The following APEH variants were observed in gnomAD, a reference collection of about 807,000 sequenced individuals.
APEH encodes acylaminoacyl-peptide hydrolase, also known as acylamino-acid-releasing enzyme.
APEH carries 75 observed loss-of-function variants against 102.7 expected under a neutral mutation model. That is an observed-to-expected ratio of 0.73 (90% CI 0.61 to 0.89). The LOEUF is 0.89. Among genes scored for constraint, APEH ranks in the 40% least tolerant of loss-of-function variants. The pLI, the probability that APEH is intolerant of heterozygous loss-of-function variation, is 0.00. For missense variants in APEH, 863 were observed against 941.2 expected, an observed-to-expected ratio of 0.92 and a Z score of 1.09; for synonymous variants, 344 against 362.7, an observed-to-expected ratio of 0.95 and a Z score of 0.59.
In APEH at chr3:49,679,955, C is replaced by T; in HGVS notation, c.1210+311C>T. On this transcript the variant is annotated intron_variant, in intron 13 of 21. Transcript: ENST00000296456. This position sits in a 1 kb window ranked among gnomAD's most constrained non-coding sequence, Gnocchi z 4.3. ...CCACAAAACTCTCTCTTATCAAGAT[C>T]TGCCAGACTCATCCTTCTCGCTCTG... 3.3e-6 allele frequency: 1 copy of T among 305,014 alleles called. No homozygotes were observed. Among genetic ancestry groups the T allele is most frequent in the Non-Finnish European group, 6.4e-6 (1 of 156,186 alleles). The allele number at this position is 305,014 out of a possible 1,614,324, so 18.9% of individuals were successfully genotyped here. A position where few individuals can be genotyped will look rare whatever the true frequency, so the allele number is the denominator to read the frequency against.
intron 15 of APEH, 127 bp downstream of exon 15, chr3:49,681,366 G>C: frequency 4.4e-6 from 5 of 1,145,466 alleles, no homozygotes; most frequent in Non-Finnish European, 5.8e-6. Flanking sequence ...GAGGTTTTCT[G>C]TTCCTCTTGT....
intron 2 of APEH, 75 bp downstream of exon 2, chr3:49,674,696 C>T (rs1322375483): frequency 2.6e-6 from 4 of 1,545,562 alleles, no homozygotes; most frequent in African/African-American, 1.3e-5. Context: ...GTGGAGGGCT[C>T]GCTGCTTGAC....
At position 49,679,041 on chromosome 3, in the gene APEH, C is replaced by T. The variant is rs1251665083; in HGVS notation, c.1158+92C>T. On this transcript the variant is annotated intron_variant, in intron 12 of 21. Transcript: ENST00000296456. This position sits in a 1 kb window ranked among gnomAD's most constrained non-coding sequence, Gnocchi z 4.3. Reference sequence around the variant, plus strand: ...ATGTGCATGCCCCTGGGTGGAATGCCCAGCCACAAAGTCTCATCAGCCCCT... The same window carrying T: ...ATGTGCATGCCCCTGGGTGGAATGCTCAGCCACAAAGTCTCATCAGCCCCT... The T allele has an allele frequency of 9.5e-7, 1 of 1,051,872 alleles. No homozygotes were observed. The highest frequency in any genetic ancestry group is 1.6e-5 in the African/African-American group (1 of 62,876). The allele number at this position is 1,051,872 out of a possible 1,614,324, so 65.2% of individuals were successfully genotyped here.
intron 14 of APEH, 96 bp downstream of exon 14, chr3:49,680,725 G>C (rs1354702423): frequency 1.7e-6 from 2 of 1,159,738 alleles, no homozygotes; most frequent in East Asian, 2.5e-5. Flanking sequence ...GACCTGGCTG[G>C]TCAGCATACA....
In APEH at chr3:49,683,828, TG is replaced by T; in HGVS notation, c.*490del. 2.6e-6 allele frequency: 2 copies of T among 760,938 alleles called. No individual in the cohort carries two copies. 47.1% of individuals were successfully genotyped at this position (760,938 alleles called of 1,614,324 possible). A position where few individuals can be genotyped will look rare whatever the true frequency, so the allele number is the denominator to read the frequency against. On this transcript the variant is annotated 3_prime_UTR_variant, in exon 22 of 22. Coordinates refer to ENST00000296456, the MANE Select transcript of APEH (RefSeq NM_001640.4). ...GTAGTCCCAGGGACATTGCCTTGGT[TG>T]GGGAAGCCCCTAGGCTGGACAGATC... is the stretch of plus-strand genomic sequence containing the variant.
In APEH at chr3:49,679,553, C is replaced by T; in HGVS notation, c.1159-40C>T. 6.2e-7 allele frequency: 1 copy of T among 1,610,188 alleles called. No homozygotes were observed. The highest frequency in any genetic ancestry group is 1.1e-5 in the South Asian group (1 of 90,944). The stretch of plus-strand genomic sequence containing the variant: ...GGGACCCATAGGTAGAGGGAGTACT[C>T]TTGGATGTGGTCGCACCTGTGGCCT... On this transcript the variant is annotated intron_variant, in intron 12 of 21. Coordinates refer to ENST00000296456, the MANE Select transcript of APEH (RefSeq NM_001640.4). The surrounding 1 kb of genome is among the most constrained non-coding windows in gnomAD (Gnocchi z 4.3).
Position 49,682,697 on chromosome 3 carries a change from A to G in APEH, c.1844A>G (p.Asn615Ser), listed in dbSNP as rs748366320. Residue 615 changes from asparagine to serine, a missense_variant, in exon 19 of 22, where the codon AAC (asparagine) becomes AGC (serine). Asn to Ser is a conservative substitution (Grantham distance 46). Transcript: ENST00000296456. ...RACVARNPVI[N>S]IASMLGSTDI... The stretch of plus-strand genomic sequence containing the variant: ...TGCGTGGCCCGGAACCCCGTGATCA[A>G]CATCGCCTCCATGTTGGGCTCCACT... 6.2e-7 allele frequency: 1 copy of G among 1,613,960 alleles called. No homozygotes were observed. The highest frequency in any genetic ancestry group is 8.5e-7 in the Non-Finnish European group (1 of 1,180,006).
intron 17 of APEH, 58 bp from the exon 18 acceptor site, chr3:49,682,290 C>A: frequency 6.8e-7 from 1 of 1,479,640 alleles, no homozygotes; most frequent in Non-Finnish European, 9.3e-7. Flanking sequence ...GTGAAAAGAG[C>A]GTCGAGGGGG....
At chr3:49,680,155 A>C in intron 13 of APEH, 1 of 281,064 alleles carries the variant, frequency 3.6e-6, no homozygotes, top group Non-Finnish European at 7.1e-6. Context: ...AAAGCTACCA[A>C]AGTATCATTC....
chr3:49,674,382 C>G lies in APEH; in HGVS notation c.-20C>G. The G allele has an allele frequency of 6.4e-7, 1 of 1,567,608 alleles. No homozygotes were observed. The highest frequency in any genetic ancestry group is 8.6e-7 in the Non-Finnish European group (1 of 1,163,660). On this transcript the variant is annotated 5_prime_UTR_variant, in exon 1 of 22. Coordinates refer to ENST00000296456, the MANE Select transcript of APEH (RefSeq NM_001640.4). ...GGGCGCGAGCACGCCCCGCCTCGCC[C>G]CGGCGGCAGAGAGGAGACTATGGAA...
upstream of APEH, chr3:49,673,962 A>T (rs1328339031): frequency 2.3e-5 from 5 of 220,756 alleles, no homozygotes; most frequent in East Asian, 4.7e-4. Flanking sequence ...TGCTTGGGCC[A>T]TGCCCGTCCG....
In APEH at chr3:49,682,964, G is replaced by T. The variant is rs1407859820; in HGVS notation, c.1986+19G>T. The T allele has an allele frequency of 6.2e-7, 1 of 1,611,834 alleles. No individual in the cohort carries two copies. The highest frequency in any genetic ancestry group is 1.7e-5 in the Admixed American group (1 of 59,766). On this transcript the variant is annotated intron_variant, in intron 20 of 21. Transcript: ENST00000296456. ...CCCTCAGGTATGCAGCCCCCTCCTT[G>T]CCCTGTGTGCTGCCCATCCATCCAG...
In APEH at chr3:49,675,261, C is replaced by T. The variant is rs2052973557; in HGVS notation, c.224C>T (p.Ser75Leu). The T allele has an allele frequency of 6.2e-7, 1 of 1,613,904 alleles. No homozygotes were observed. ...RQYLVFHDGD[S>L]VVFAGPAGNS... is the part of the protein sequence containing the mutation. ...TACCTGGTGTTCCATGACGGGGACT[C>T]AGTGGTGTTTGCAGGACCTGCAGGC... The change falls in exon 3 of 22, where the codon TCA (serine) becomes TTA (leucine). Residue 75 changes from serine (S) to leucine (L), a missense_variant. Coordinates refer to ENST00000296456, the MANE Select transcript of APEH (RefSeq NM_001640.4).
rs1039038199 is a variant in APEH, at chr3:49,676,804, C to T, written c.864C>T (p.Ile288=). ...RRSALYYVDL[I]GGKCELLSDD... is the part of the protein sequence containing the mutation. ...CAGCCCTGTATTATGTGGACCTCATCGGGGGGAAGTGTGGTAAGTGGCTGA... is the reference window on the plus strand; with the variant it reads ...CAGCCCTGTATTATGTGGACCTCATTGGGGGGAAGTGTGGTAAGTGGCTGA... The change falls in exon 9 of 22, where the codon ATC becomes ATT. Residue 288 remains isoleucine (I), a synonymous_variant. Transcript: ENST00000296456. 72 of 1,614,098 alleles carry T rather than the reference C, an allele frequency of 4.5e-5. No homozygotes were observed. The highest frequency in any genetic ancestry group is 6.7e-5 in the African/African-American group (5 of 74,932).
intron 13 of APEH, chr3:49,680,332 C>T (rs1336389214): frequency 5.5e-6 from 3 of 550,130 alleles, no homozygotes; most frequent in Non-Finnish European, 9.9e-6. Context: ...TGGCAGTTCC[C>T]AGCCCAGCCA....
chr3:49,674,259 C>A, upstream of APEH: 2 of 1,104,996 alleles, frequency 1.8e-6, no homozygotes, highest in Non-Finnish European at 2.5e-6. Flanking sequence ...ACGGTCCTCA[C>A]CCATTAGCCG....
chr3:49,682,870 C>T lies in APEH; in HGVS notation c.1911C>T (p.Phe637=). 6.2e-7 allele frequency: 1 copy of T among 1,614,120 alleles called. No homozygotes were observed. Among genetic ancestry groups the T allele is most frequent in the Non-Finnish European group, 8.5e-7 (1 of 1,180,048 alleles). ...DWCVVEAGFP[F]SSDCLPDLSV... The stretch of plus-strand genomic sequence containing the variant: ...GCGTGGTGGAGGCTGGCTTTCCTTT[C>T]AGCAGTGACTGCCTGCCAGACCTCA... The change falls in exon 20 of 22, where the codon TTC becomes TTT. Residue 637 remains phenylalanine, a synonymous_variant. Coordinates refer to ENST00000296456, the MANE Select transcript of APEH (RefSeq NM_001640.4).
In APEH at chr3:49,674,360, C is replaced by G; in HGVS notation, c.-42C>G. The G allele has an allele frequency of 6.5e-7, 1 of 1,544,088 alleles. No homozygotes were observed. Among genetic ancestry groups the G allele is most frequent in the Non-Finnish European group, 8.7e-7 (1 of 1,151,478 alleles). On this transcript the variant is annotated 5_prime_UTR_variant, in exon 1 of 22. Transcript: ENST00000296456. The stretch of plus-strand genomic sequence containing the variant: ...CGCCCCCGGAAGCCTCACTTCCGGG[C>G]GCGAGCACGCCCCGCCTCGCCCCGG...
intron 11 of APEH, 86 bp from the exon 12 acceptor site, chr3:49,678,766 G>A: frequency 8.7e-7 from 1 of 1,145,816 alleles, no homozygotes; most frequent in Non-Finnish European, 1.3e-6. Flanking sequence ...GGCCCTGGGT[G>A]AATTCCCCAG....
Sources: allele counts gnomAD v4.1 joint callset, GRCh38; gene constraint gnomAD v4.1.1; non-coding constraint Gnocchi (gnomAD v3.1); transcripts MANE v1.5; gene names NCBI Gene and HGNC (gene_info 2026-07-23, HGNC 2026-07-21).